Variants in TARBP1 observed in about 807,000 individuals in gnomAD.
TARBP1 encodes the protein tRNA guanosine 2 -O-methyltransferase TARBP1.
In TARBP1, 144 loss-of-function variants were observed where a neutral mutation model predicts 178.6. The ratio of observed to expected loss-of-function variants is 0.81; its 90% confidence interval spans 0.70 to 0.93. The LOEUF is 0.93. Ranked by LOEUF, TARBP1 falls within the 40% of genes least tolerant of loss-of-function variation. The pLI is 0.00. For missense variants in TARBP1, 2,067 were observed against 2,011.7 expected, an observed-to-expected ratio of 1.03 and a Z score of -0.53; for synonymous variants, 787 against 781.0, an observed-to-expected ratio of 1.01 and a Z score of -0.13.
intron 12 of TARBP1, among the ~76,000 whole-genome samples, chr1:234,439,778 A>G (rs1444952718): frequency 6.6e-6 from 1 of 152,162 alleles, no homozygotes; most frequent in Non-Finnish European, 1.5e-5. Context: ...GTGAGCCAAG[A>G]TCACACCATT....
chr1:234,442,671 C>T (rs1665710197), intron 12 of TARBP1, among the ~76,000 whole-genome samples: 1 of 152,174 alleles, frequency 6.6e-6, no homozygotes, highest in African/African-American at 2.4e-5. Flanking sequence ...ATAGTCAACT[C>T]CTTAAATATC....
chr1:234,401,607 T>C (rs1660681961), intron 24 of TARBP1, among the ~76,000 whole-genome samples: 1 of 152,240 alleles, frequency 6.6e-6, no homozygotes, highest in African/African-American at 2.4e-5. Context: ...AAATTTACTA[T>C]GAGCAGCGTT....
intron 5 of TARBP1, among the ~76,000 whole-genome samples, chr1:234,465,428 T>C (rs1668333722): frequency 6.6e-6 from 1 of 151,770 alleles, no homozygotes; most frequent in Non-Finnish European, 1.5e-5. Context: ...AGCCCAAGAA[T>C]AGAGCAGCTC....
intron 22 of TARBP1, 22 bp from the exon 23 acceptor site, chr1:234,410,553 C>G (rs1661697832): frequency 7.2e-7 from 1 of 1,391,074 alleles, no homozygotes; most frequent in Non-Finnish European, 1.0e-6. Context: ...ATCAGATAAA[C>G]AAATATTGAT....
In TARBP1 at chr1:234,478,905, CT is replaced by C. The variant is rs1669857818; in HGVS notation, c.198del (p.Tyr68ThrfsTer30). On this transcript the variant is annotated frameshift_variant, in exon 1 of 30. Coordinates refer to ENST00000040877, the MANE Select transcript of TARBP1 (RefSeq NM_005646.4). LOFTEE classifies it high-confidence loss of function. ...CTCCGCAGCAGTGGCACGAGGTACC[CT>C]GCAGCCACCTCGCGCGCCGCCTCCG... Reference protein sequence around the residue: ...ALPEAAREVAAGYLVPLLRSL... With the variant: ...ALPEAAREVAXGYLVPLLRSL... 7.0e-7 allele frequency: 1 copy of C among 1,419,782 alleles called. No individual in the cohort carries two copies. The highest frequency in any genetic ancestry group is 1.4e-5 in the South Asian group (1 of 69,112). The allele number at this position is 1,419,782 out of a possible 1,614,324, so 87.9% of individuals were successfully genotyped here. A position where few individuals can be genotyped will look rare whatever the true frequency, so the allele number is the denominator to read the frequency against.
At chr1:234,437,161 C>A (rs1334562342) in intron 13 of TARBP1, 114 bp downstream of exon 13, 1 of 535,588 alleles carries the variant, frequency 1.9e-6, no homozygotes. Flanking sequence ...CCTAAGACCG[C>A]TTCTTGAGAA....
chr1:234,418,902 G>C (rs1172119241), intron 21 of TARBP1, among the ~76,000 whole-genome samples: 2 of 152,234 alleles, frequency 1.3e-5, no homozygotes, highest in African/African-American at 4.8e-5. Context: ...GCCGGGCACA[G>C]TGGCTCATGC....
intron 5 of TARBP1, 45 bp from the exon 6 acceptor site, chr1:234,463,979 C>T (rs773079542): frequency 7.7e-7 from 1 of 1,294,248 alleles, no homozygotes; most frequent in South Asian, 1.5e-5. Context: ...CATTTATTTA[C>T]AAGTGATTAC....
Position 234,471,193 on chromosome 1 carries a change from T to G in TARBP1, c.1094A>C (p.Glu365Ala). The change falls in exon 3 of 30, where the codon GAA (glutamate) becomes GCA (alanine). Residue 365 changes from glutamate (E) to alanine (A), a missense_variant. Physicochemically the swap from Glu to Ala is moderately radical, Grantham distance 107. Transcript: ENST00000040877. ...NNLFEYAVSEENGCWLFHPSW... is the reference protein window; with the variant it reads ...NNLFEYAVSEANGCWLFHPSW... ...AAAATAAAAGTAATCGTTACCATTT[T>G]CCTCTGACACCGCATATTCAAACAG... is the stretch of plus-strand genomic sequence containing the variant. 2.5e-6 allele frequency: 4 copies of G among 1,593,954 alleles called. No homozygotes were observed. Among genetic ancestry groups the G allele is most frequent in the Non-Finnish European group, 3.4e-6 (4 of 1,173,622 alleles).
At chr1:234,449,446 T>C (rs270523) in intron 10 of TARBP1, among the ~76,000 whole-genome samples, 32,540 of 152,108 alleles carry the variant, frequency 0.21, 4,518 homozygotes, top group African/African-American at 0.4. Context: ...TTCCCTAAAA[T>C]GTGACCAGAA....
At chr1:234,423,651 A>G (rs6676815) in intron 20 of TARBP1, among the ~76,000 whole-genome samples, 36,801 of 152,042 alleles carry the variant, frequency 0.24, 4,727 homozygotes, top group East Asian at 0.45. Flanking sequence ...CTTGGTCTCC[A>G]GACAGCATCC....
At position 234,465,710 on chromosome 1, in the gene TARBP1, T is replaced by TAAAAAA. The variant is rs531256921; in HGVS notation, c.1249-8_1249-3dup. On this transcript the variant is annotated splice_polypyrimidine_tract_variant and splice_region_variant and intron_variant, in intron 4 of 29. Transcript: ENST00000040877. The stretch of plus-strand genomic sequence containing the variant: ...ATCCATTAATGGTCCAATAATAAAC[T>TAAAAAA]AAAAAAAAAAAAAAAAAAAGACACG... The TAAAAAA allele has an allele frequency of 1.7e-5, 22 of 1,271,334 alleles. No individual in the cohort carries two copies. Among genetic ancestry groups the TAAAAAA allele is most frequent in the African/African-American group, 3.9e-5 (2 of 51,942 alleles). The allele number at this position is 1,271,334 out of a possible 1,614,324, so 78.8% of individuals were successfully genotyped here. A position where few individuals can be genotyped will look rare whatever the true frequency, so the allele number is the denominator to read the frequency against.
chr1:234,429,376 C>T (rs1361105730), intron 16 of TARBP1, 40 bp downstream of exon 16: 1 of 1,579,176 alleles, frequency 6.3e-7, no homozygotes, highest in African/African-American at 1.4e-5. Context: ...GATCGCCACT[C>T]CTATAGTTAC....
chr1:234,398,234 T>C (rs1216444516), intron 26 of TARBP1, 148 bp downstream of exon 26: 2 of 564,298 alleles, frequency 3.5e-6, no homozygotes, highest in Non-Finnish European at 5.6e-6. Context: ...ACCACACTTT[T>C]TCACTGTCTT....
intron 22 of TARBP1, among the ~76,000 whole-genome samples, chr1:234,417,640 A>G (rs1222022942): frequency 6.6e-6 from 1 of 152,228 alleles, no homozygotes; most frequent in African/African-American, 2.4e-5. Context: ...GGAGTGTGTG[A>G]GGGTACAGAT....
intron 13 of TARBP1, among the ~76,000 whole-genome samples, chr1:234,435,531 A>C (rs1164402833): frequency 6.6e-6 from 1 of 152,220 alleles, no homozygotes; most frequent in South Asian, 2.1e-4. Flanking sequence ...TAAAATGCTC[A>C]TGAAAAGAAT....
At position 234,478,232 on chromosome 1, in the gene TARBP1, G is replaced by A. The variant is rs1247470767; in HGVS notation, c.872C>T (p.Ala291Val). 1.2e-6 allele frequency: 2 copies of A among 1,611,114 alleles called. No individual in the cohort carries two copies. The highest frequency in any genetic ancestry group is 3.3e-5 in the Admixed American group (2 of 59,884). ...CCCCAGCTCCGCCGACACCTCCACCGCCCTCTGCAGCAGGTAGCGCGCTCG... is the reference window on the plus strand; with the variant it reads ...CCCCAGCTCCGCCGACACCTCCACCACCCTCTGCAGCAGGTAGCGCGCTCG... Reference protein sequence around the residue: ...RKRARYLLQRAVEVSAELGAD... With the variant: ...RKRARYLLQRVVEVSAELGAD... Residue 291 changes from alanine (A) to valine (V), a missense_variant, in exon 1 of 30, where the codon GCG (alanine) becomes GTG (valine). By Grantham distance (64) the Ala-to-Val change is moderately conservative (BLOSUM62 0). Coordinates refer to ENST00000040877, the MANE Select transcript of TARBP1 (RefSeq NM_005646.4).
chr1:234,393,214 A>AATT (rs1321050052), intron 28 of TARBP1, 148 bp downstream of exon 28: 1 of 806,510 alleles, frequency 1.2e-6, no homozygotes, highest in African/African-American at 1.7e-5. Context: ...CACTATTATA[A>AATT]ATTATGCAAA....
intron 6 of TARBP1, among the ~76,000 whole-genome samples, chr1:234,462,798 A>G (rs1262748079): frequency 4.6e-5 from 7 of 152,160 alleles, no homozygotes; most frequent in Non-Finnish European, 7.4e-5. Context: ...CTATAAATTT[A>G]AAGTCATGAT....
Sources: gnomAD v4.1 joint callset for allele counts (sites outside exome capture counted in the v4.1 genomes callset) on GRCh38, gnomAD v4.1.1 for gene constraint, MANE v1.5 for transcripts, NCBI Gene and HGNC (gene_info 2026-07-23, HGNC 2026-07-21) for gene names.